Variants in NCOA6 observed in about 807,000 individuals in gnomAD.
The protein encoded by NCOA6 is nuclear receptor coactivator 6, also known as NRC RAP250.
A neutral mutation model predicts 171.4 loss-of-function variants in NCOA6; 49 were observed. The observed-to-expected ratio is 0.29, with a 90% CI of 0.23 to 0.36. NCOA6 has a LOEUF of 0.36. Ranked by LOEUF, NCOA6 falls within the 10% of genes least tolerant of loss-of-function variation. The pLI, the probability that NCOA6 is intolerant of heterozygous loss-of-function variation, is 1.00. For synonymous variants in NCOA6, 910 were observed against 927.5 expected (o/e 0.98, Z 0.34); for missense variants, 2,248 against 2,554.5 (o/e 0.88, Z 2.59).
intron 3 of NCOA6, chr20:34,776,735 T>C (rs2077335143): frequency 9.4e-6 from 5 of 531,010 alleles, no homozygotes; most frequent in African/African-American, 1.9e-5. Context: ...TTAGATAATA[T>C]ATGCAAAAAA....
At chr20:34,774,447 C>T (rs1568827718) in intron 4 of NCOA6, among the ~76,000 whole-genome samples, 1 of 152,174 alleles carries the variant, frequency 6.6e-6, no homozygotes, top group East Asian at 1.9e-4. Flanking sequence ...AAAATTATCC[C>T]ATTTCTCAAT....
At chr20:34,736,846 G>T in intron 11 of NCOA6, 88 bp from the exon 12 acceptor site, 1 of 1,168,520 alleles carries the variant, frequency 8.6e-7, no homozygotes, top group Non-Finnish European at 1.2e-6. Context: ...CTAAGTAACT[G>T]CTGAAACAAT....
intron 2 of NCOA6, among the ~76,000 whole-genome samples, chr20:34,785,425 T>C (rs2077644197): frequency 6.7e-6 from 1 of 148,398 alleles, no homozygotes; most frequent in African/African-American, 2.5e-5. Flanking sequence ...AGACCATGTC[T>C]CAATTTTTTT....
rs1253735744 is a variant in NCOA6, at chr20:34,757,310, C to T, written c.1438G>A (p.Val480Ile). 1.9e-6 allele frequency: 3 copies of T among 1,613,954 alleles called. No individual in the cohort carries two copies. Among genetic ancestry groups the T allele is most frequent in the African/African-American group, 2.7e-5 (2 of 74,910 alleles). ...TTAGGTGGCACATTTCCCTGTTGAA[C>T]CATAGGATTCCGACCCGGAGAGCTG... ...PVSSPGRNPM[V>I]QQGNVPPNFM... is the part of the protein sequence containing the mutation. Residue 480 changes from valine to isoleucine, a missense_variant, in exon 7 of 15, where the codon GTT becomes ATT. Physicochemically the swap from Val to Ile is conservative, Grantham distance 29. This residue lies in a region of NCOA6 where 987 missense variants were observed against 1,104.7 expected (regional missense o/e 0.89). Coordinates refer to ENST00000359003, the MANE Select transcript of NCOA6 (RefSeq NM_014071.5).
In NCOA6 at chr20:34,750,297, C is replaced by T. The variant is rs772499983; in HGVS notation, c.1898G>A (p.Gly633Asp). The T allele has an allele frequency of 3.7e-6, 6 of 1,613,060 alleles. No individual in the cohort carries two copies. The highest frequency in any genetic ancestry group is 5.1e-6 in the Non-Finnish European group (6 of 1,179,420). ...GMHQQIVPSQ[G>D]QMVQQQGTLN... ...GGTTCCTTGTTGCTGGACCATCTGG[C>T]CCTGGGAGGGCACGATTTGCTGGTG... is the stretch of plus-strand genomic sequence containing the variant. Residue 633 changes from glycine to aspartate, a missense_variant, in exon 9 of 15, where the codon GGC (glycine) becomes GAC (aspartate). Coordinates refer to ENST00000359003, the MANE Select transcript of NCOA6 (RefSeq NM_014071.5).
rs189691301 is a variant in NCOA6, at chr20:34,720,859, C to T, written c.6149-5494G>A. On this transcript the variant is annotated intron_variant, in intron 14 of 14. Transcript: ENST00000359003. Reference sequence around the variant, plus strand: ...ACAATCACAGTAAATTATTTTATAACTTGGTTCACATTTTTGGATACAATA... The same window carrying T: ...ACAATCACAGTAAATTATTTTATAATTTGGTTCACATTTTTGGATACAATA... Among the ~76,000 whole-genome samples, 375 of 152,200 alleles carry T rather than the reference C, an allele frequency of 2.5e-3. 4 individuals carry two copies. Among genetic ancestry groups the T allele is most frequent in the Middle Eastern group, 3.4e-3 (1 of 294 alleles).
At chr20:34,767,126 C>CAGA (rs1289809902) in intron 5 of NCOA6, among the ~76,000 whole-genome samples, 2 of 152,130 alleles carry the variant, frequency 1.3e-5, no homozygotes, top group African/African-American at 4.8e-5. Flanking sequence ...CTTCTACCTT[C>CAGA]AAGCATGAGC....
intron 1 of NCOA6, among the ~76,000 whole-genome samples, chr20:34,802,976 A>G (rs1454689333): frequency 6.6e-6 from 1 of 151,840 alleles, no homozygotes; most frequent in Non-Finnish European, 1.5e-5. Context: ...ATGCCCGGCT[A>G]ATTTTCGTAT....
intron 14 of NCOA6, among the ~76,000 whole-genome samples, chr20:34,721,073 G>A (rs1989250347): frequency 2.0e-5 from 3 of 151,854 alleles, no homozygotes; most frequent in Non-Finnish European, 4.4e-5. Flanking sequence ...TCCTAAGTGA[G>A]CCATCTTTTG....
chr20:34,789,061 A>G (rs2077780715), intron 2 of NCOA6, among the ~76,000 whole-genome samples: 1 of 152,260 alleles, frequency 6.6e-6, no homozygotes, highest in South Asian at 2.1e-4. Flanking sequence ...GTTACAACTT[A>G]CAAAAAAGTA....
intron 10 of NCOA6, among the ~76,000 whole-genome samples, chr20:34,743,821 G>A (rs1317660463): frequency 1.3e-5 from 2 of 152,204 alleles, no homozygotes; most frequent in Non-Finnish European, 1.5e-5. Flanking sequence ...TTTTTAAGAT[G>A]TGGTTTTGTT....
chr20:34,812,571 CACATATTATAA>C (rs1439554449), intron 1 of NCOA6, among the ~76,000 whole-genome samples: 1 of 152,060 alleles, frequency 6.6e-6, no homozygotes, highest in Non-Finnish European at 1.5e-5. Flanking sequence ...CTCATCCCAA[CACATATTATAA>C]ACATATTATA....
chr20:34,730,135 C>T (rs965665877), intron 13 of NCOA6, among the ~76,000 whole-genome samples: 4 of 151,942 alleles, frequency 2.6e-5, no homozygotes, highest in African/African-American at 9.7e-5. Context: ...GTAGTGCAAT[C>T]ATGGCTCATT....
intron 14 of NCOA6, among the ~76,000 whole-genome samples, chr20:34,723,024 G>GA (rs767526806): frequency 2.9e-4 from 44 of 152,214 alleles, no homozygotes; most frequent in East Asian, 7.7e-4. Flanking sequence ...AACAAAGCAA[G>GA]AAAAAACGAA....
At chr20:34,823,954 G>A (rs923265773) in intron 1 of NCOA6, among the ~76,000 whole-genome samples, 3 of 152,138 alleles carry the variant, frequency 2.0e-5, no homozygotes, top group Non-Finnish European at 2.9e-5. Context: ...AAAGTGTTGG[G>A]ATTACAGGCG....
chr20:34,804,686 G>A (rs183583164), intron 1 of NCOA6, among the ~76,000 whole-genome samples: 70 of 151,564 alleles, frequency 4.6e-4, no homozygotes, highest in African/African-American at 1.5e-3. Context: ...TGTTACTTCC[G>A]CTTTCTTTTT....
chr20:34,823,056 C>T (rs1343926817), intron 1 of NCOA6, among the ~76,000 whole-genome samples: 4 of 152,054 alleles, frequency 2.6e-5, no homozygotes, highest in African/African-American at 7.2e-5. Flanking sequence ...GATTTCTTAA[C>T]GTGCTGATAA....
At chr20:34,774,528 C>T (rs1302441597) in intron 4 of NCOA6, among the ~76,000 whole-genome samples, 1 of 152,234 alleles carries the variant, frequency 6.6e-6, no homozygotes, top group Non-Finnish European at 1.5e-5. Flanking sequence ...ACCTACAATG[C>T]TAGACTGCAT....
In NCOA6 at chr20:34,765,886, G is replaced by A. The variant is rs754041056; in HGVS notation, c.514+2578C>T. On this transcript the variant is annotated intron_variant, in intron 5 of 14. Coordinates refer to ENST00000359003, the MANE Select transcript of NCOA6 (RefSeq NM_014071.5). ...AAAACAGGCTATGGATTTAGTTTTA[G>A]TTGCAAAAGACTCTTGCTTATTAGC... 1.6e-3 allele frequency among the ~76,000 whole-genome samples: 237 copies of A among 152,296 alleles called. 2 individuals are homozygous for A. The highest frequency in any genetic ancestry group is 2.1e-3 in the Non-Finnish European group (146 of 68,022).
Sources: gnomAD v4.1 joint callset for allele counts (sites outside exome capture counted in the v4.1 genomes callset) on GRCh38, gnomAD v4.1.1 for gene constraint, gnomAD v4.1.1 regional missense constraint, MANE v1.5 for transcripts, NCBI Gene and HGNC (gene_info 2026-07-23, HGNC 2026-07-21) for gene names.